The following NBEA variants were observed in gnomAD, a reference collection of about 807,000 sequenced individuals.
NBEA encodes the protein lysosomal-trafficking regulator 2.
NBEA carries 44 observed loss-of-function variants against 343.4 expected under a neutral mutation model. The ratio of observed to expected loss-of-function variants is 0.13; its 90% confidence interval spans 0.10 to 0.16. The LOEUF is 0.16. Among genes scored for constraint, NBEA ranks in the 10% least tolerant of loss-of-function variants. The pLI, the probability that NBEA is intolerant of heterozygous loss-of-function variation, is 1.00. For missense variants in NBEA, 2,555 were observed against 3,631.3 expected (o/e 0.70, Z 7.62); for synonymous variants, 1,175 against 1,238.7 (o/e 0.95, Z 1.08).
intron 44 of NBEA, among the ~76,000 whole-genome samples, chr13:35,565,000 G>A (rs1466627057): frequency 1.3e-5 from 2 of 152,132 alleles, no homozygotes; most frequent in African/African-American, 4.8e-5. Context: ...ACCCAGCCCT[G>A]ACATTTATGA....
chr13:34,997,186 T>A (rs17051492), intron 1 of NBEA, among the ~76,000 whole-genome samples: 11,711 of 152,230 alleles, frequency 0.077, 548 homozygotes, highest in African/African-American at 0.11. Flanking sequence ...TTACCTTTAT[T>A]GTCAGTGAAG....
intron 55 of NBEA, among the ~76,000 whole-genome samples, chr13:35,658,669 T>TA (rs2084929919): frequency 6.6e-6 from 1 of 152,188 alleles, no homozygotes; most frequent in Non-Finnish European, 1.5e-5. Context: ...TACCATACTT[T>TA]AAGGATTCGT....
chr13:35,047,181 G>T (rs564894289), intron 4 of NBEA, among the ~76,000 whole-genome samples: 2 of 150,200 alleles, frequency 1.3e-5, no homozygotes, highest in East Asian at 1.9e-4. Context: ...TTAGTATAGG[G>T]TTTAACTCTT....
At chr13:35,211,370 C>T (rs1335132565) in intron 33 of NBEA, among the ~76,000 whole-genome samples, 191 bp downstream of exon 33, 1 of 152,122 alleles carries the variant, frequency 6.6e-6, no homozygotes, top group Non-Finnish European at 1.5e-5. Context: ...AAGCAGAGAT[C>T]TTCAGTGATT....
intron 41 of NBEA, among the ~76,000 whole-genome samples, chr13:35,481,153 C>T (rs2076105291): frequency 1.3e-5 from 2 of 151,918 alleles, no homozygotes; most frequent in Non-Finnish European, 2.9e-5. Context: ...CATATAGTCA[C>T]ATTTGTAGTG....
At chr13:35,656,642 T>A (rs2084826128) in intron 55 of NBEA, among the ~76,000 whole-genome samples, 1 of 152,186 alleles carries the variant, frequency 6.6e-6, no homozygotes, top group East Asian at 1.9e-4. Flanking sequence ...AAGAGCTGGA[T>A]AAGAGATTGG....
chr13:35,570,893 A>AC (rs1203300027), intron 45 of NBEA, among the ~76,000 whole-genome samples: 1 of 152,234 alleles, frequency 6.6e-6, no homozygotes, highest in African/African-American at 2.4e-5. Flanking sequence ...TATTATCACA[A>AC]TGAAGAGATG....
At position 35,159,626 on chromosome 13, in the gene NBEA, C is replaced by A; in HGVS notation, c.3455C>A (p.Pro1152His). Residue 1152 changes from proline to histidine, a missense_variant, in exon 22 of 59, where the codon CCC becomes CAC. Physicochemically the swap from Pro to His is moderately conservative, Grantham distance 77. This residue lies in a region of NBEA where 367 missense variants were observed against 377.5 expected (regional missense o/e 0.97). Coordinates refer to ENST00000379939, the MANE Select transcript of NBEA (RefSeq NM_001385012.1). ...SSTSFLFDKIPKQEEKLLPEL... is the reference protein window; with the variant it reads ...SSTSFLFDKIHKQEEKLLPEL... ...ACATCATTTCTCTTTGATAAAATAC[C>A]CAAACAGGAGGAAAAACTACTTCCT... The A allele has an allele frequency of 1.2e-6, 2 of 1,610,718 alleles. No homozygotes were observed. Among genetic ancestry groups the A allele is most frequent in the Non-Finnish European group, 1.7e-6 (2 of 1,178,540 alleles).
chr13:35,520,902 A>T (rs9544535), intron 41 of NBEA, among the ~76,000 whole-genome samples: 12 of 151,958 alleles, frequency 7.9e-5, no homozygotes, highest in Middle Eastern at 3.4e-3. Flanking sequence ...TTTTTCGGAC[A>T]TATCTTTACT....
intron 33 of NBEA, among the ~76,000 whole-genome samples, chr13:35,216,338 C>T (rs370713536): frequency 3.9e-4 from 60 of 151,990 alleles, no homozygotes; most frequent in African/African-American, 1.4e-3. Context: ...TATTGGAATA[C>T]AGCCACACTC....
At chr13:35,646,852 C>T (rs1227064236) in intron 51 of NBEA, among the ~76,000 whole-genome samples, 1 of 152,136 alleles carries the variant, frequency 6.6e-6, no homozygotes, top group Non-Finnish European at 1.5e-5. Flanking sequence ...GGGCAAACAC[C>T]ATCTCTGCAC....
intron 34 of NBEA, among the ~76,000 whole-genome samples, chr13:35,266,945 C>T (rs960594819): frequency 6.6e-6 from 1 of 151,040 alleles, no homozygotes; most frequent in African/African-American, 2.4e-5. Context: ...TAAATTAACA[C>T]ATTTTATATG....
intron 50 of NBEA, 66 bp downstream of exon 50, chr13:35,645,997 G>T: frequency 9.2e-7 from 1 of 1,084,470 alleles, no homozygotes; most frequent in Non-Finnish European, 1.3e-6. Context: ...GTATTCACAG[G>T]TTAGATTTTC....
intron 11 of NBEA, among the ~76,000 whole-genome samples, chr13:35,103,429 T>C (rs967384435): frequency 6.6e-6 from 1 of 151,620 alleles, no homozygotes; most frequent in African/African-American, 2.4e-5. Context: ...TTTTTTTTCT[T>C]ACTTATTCTC....
At chr13:35,519,010 G>T (rs1005682300) in intron 41 of NBEA, among the ~76,000 whole-genome samples, 1 of 152,132 alleles carries the variant, frequency 6.6e-6, no homozygotes, top group South Asian at 2.1e-4. Context: ...ATGCTTCGTT[G>T]TGAAAGGAAA....
At chr13:35,515,387 C>T (rs1007876412) in intron 41 of NBEA, among the ~76,000 whole-genome samples, 15 of 152,280 alleles carry the variant, frequency 9.9e-5, no homozygotes, top group African/African-American at 2.9e-4. Flanking sequence ...ACTTTTTAGC[C>T]ACCTCCCTTT....
chr13:35,525,252 T>G (rs2152994897), intron 41 of NBEA, among the ~76,000 whole-genome samples: 1 of 152,274 alleles, frequency 6.6e-6, no homozygotes, highest in Middle Eastern at 3.4e-3. Context: ...TATTACTATA[T>G]TATTAAAATA....
intron 39 of NBEA, among the ~76,000 whole-genome samples, chr13:35,442,961 A>T (rs374880736): frequency 6.6e-6 from 1 of 152,114 alleles, no homozygotes; most frequent in Admixed American, 6.6e-5. Flanking sequence ...TATTGATCCA[A>T]TTCTTTTGCT....
intron 35 of NBEA, among the ~76,000 whole-genome samples, chr13:35,308,804 CAGCATAAAATA>C (rs1031668017): frequency 6.6e-6 from 1 of 150,506 alleles, no homozygotes; most frequent in African/African-American, 2.4e-5. Context: ...GCTTTAGGAA[CAGCATAAAATA>C]AGCATATGCT....
Sources: allele counts gnomAD v4.1 joint callset (sites outside exome capture counted in the v4.1 genomes callset), GRCh38; gene constraint gnomAD v4.1.1; regional missense constraint gnomAD v4.1.1; transcripts MANE v1.5; gene names NCBI Gene and HGNC (gene_info 2026-07-23, HGNC 2026-07-21).